The following SH2D4B variants were observed in gnomAD, a reference collection of about 807,000 sequenced individuals.
SH2D4B encodes the protein SH2 domain-containing protein 4B.
In SH2D4B, 45 loss-of-function variants were observed where a neutral mutation model predicts 61.5. The ratio of observed to expected loss-of-function variants is 0.73; its 90% CI spans 0.58 to 0.94. SH2D4B has a LOEUF of 0.94. Ranked by LOEUF, SH2D4B falls within the 40% of genes least tolerant of loss-of-function variation. The pLI is 0.00. For synonymous variants in SH2D4B, 224 were observed against 220.4 expected (o/e 1.02, Z -0.14); for missense variants, 572 against 574.2 (o/e 1.00, Z 0.04).
intron 6 of SH2D4B, among the ~76,000 whole-genome samples, chr10:80,610,369 T>C (rs1285962699): frequency 2.0e-5 from 3 of 152,220 alleles, no homozygotes; most frequent in Admixed American, 6.5e-5. Flanking sequence ...AGGAGCTTGC[T>C]TGTTTTCCCT....
chr10:80,624,061 T>G (rs12783229), intron 6 of SH2D4B, among the ~76,000 whole-genome samples: 57,498 of 151,950 alleles, frequency 0.38, 12,003 homozygotes, highest in African/African-American at 0.55. Flanking sequence ...AGCCGTATAT[T>G]AGGGTTGCTC....
rs751501775 is a variant in SH2D4B at position 80,609,608 on chromosome 10, T to C, written c.988+57T>C. 8 of 1,610,956 alleles carry C rather than the reference T, an allele frequency of 5.0e-6. No homozygotes were observed. The Admixed American group carries it at 1.2e-4, about 24-fold the overall frequency. ...TGATTTCCACATCTTTGCCTCTCTCTGGGGTTGGGGAGGGGTGCTGAAGGA... is the reference window on the plus strand; with the variant it reads ...TGATTTCCACATCTTTGCCTCTCTCCGGGGTTGGGGAGGGGTGCTGAAGGA... On this transcript the variant is annotated intron_variant, in intron 6 of 7. Transcript: ENST00000646907.
At chr10:80,547,547 T>C (rs1841698796) in intron 1 of SH2D4B, among the ~76,000 whole-genome samples, 1 of 152,130 alleles carries the variant, frequency 6.6e-6, no homozygotes, top group African/African-American at 2.4e-5. Flanking sequence ...GGACAGTGAT[T>C]CCAGGACAGT....
chr10:80,538,840 G>C lies in SH2D4B; in HGVS notation c.184+325G>C, dbSNP rs542556073. ...TTCAGATTGTGCTCCGACGTGGTTG[G>C]CAATGGTAGGGTGAACGACGGCATA... On this transcript the variant is annotated intron_variant, in intron 1 of 7. Coordinates refer to ENST00000646907, the MANE Select transcript of SH2D4B (RefSeq NM_001388272.1). The surrounding 1 kb of genome is among the most constrained non-coding windows in gnomAD (Gnocchi z 4.8). 6.6e-6 allele frequency among the ~76,000 whole-genome samples: 1 copy of C among 152,350 alleles called. No individual in the cohort carries two copies. The highest frequency in any genetic ancestry group is 2.1e-4 in the South Asian group (1 of 4,832).
intron 1 of SH2D4B, among the ~76,000 whole-genome samples, chr10:80,552,882 T>C (rs760135069): frequency 6.0e-5 from 9 of 150,118 alleles, no homozygotes; most frequent in Non-Finnish European, 1.3e-4. Context: ...CCCCTCTCTC[T>C]CTTTCTTTCT....
chr10:80,634,137 T>C (rs1842865744), intron 6 of SH2D4B, 148 bp from the exon 7 acceptor site: 11 of 1,130,646 alleles, frequency 9.7e-6, no homozygotes, highest in Non-Finnish European at 1.3e-5. Context: ...TGGCCAGCCC[T>C]TGGGGCTCTT....
chr10:80,599,215 G>C (rs1842416708), intron 4 of SH2D4B, among the ~76,000 whole-genome samples: 1 of 152,158 alleles, frequency 6.6e-6, no homozygotes, highest in East Asian at 1.9e-4. Flanking sequence ...GGGCTAGTGG[G>C]GGTAGAGTCT....
At chr10:80,585,449 G>A (rs555036278) in intron 3 of SH2D4B, among the ~76,000 whole-genome samples, 147 of 151,916 alleles carry the variant, frequency 9.7e-4, no homozygotes, top group African/African-American at 3.5e-3. Flanking sequence ...CAAGTAGCTC[G>A]GATTACAGGT....
chr10:80,603,859 G>A (rs1357733118), intron 5 of SH2D4B, 64 bp downstream of exon 5: 36 of 1,461,140 alleles, frequency 2.5e-5, no homozygotes, highest in Admixed American at 6.1e-5. Flanking sequence ...ATGGGACACC[G>A]GGGTCCCCGT....
intron 3 of SH2D4B, among the ~76,000 whole-genome samples, chr10:80,584,325 C>T (rs924303287): frequency 2.0e-5 from 3 of 152,032 alleles, no homozygotes; most frequent in African/African-American, 4.8e-5. Flanking sequence ...AGATGGCACC[C>T]GGGGTAGTGT....
chr10:80,608,030 G>A (rs1345452270), intron 5 of SH2D4B, among the ~76,000 whole-genome samples: 2 of 152,158 alleles, frequency 1.3e-5, no homozygotes, highest in East Asian at 3.9e-4. Context: ...TTGAGTAGCT[G>A]GGAATACAAG....
chr10:80,601,546 CACT>C (rs1842452425), intron 4 of SH2D4B, among the ~76,000 whole-genome samples: 1 of 152,184 alleles, frequency 6.6e-6, no homozygotes, highest in Non-Finnish European at 1.5e-5. Flanking sequence ...GTGTTCTTGG[CACT>C]AGAATATAGC....
chr10:80,560,680 G>A lies in SH2D4B; in HGVS notation c.185-9474G>A, dbSNP rs559894939. Among the ~76,000 whole-genome samples, 185 of 133,008 alleles carry A rather than the reference G, an allele frequency of 1.4e-3. 1 individual carries two copies. Among genetic ancestry groups the A allele is most frequent in the South Asian group, 4.6e-3 (19 of 4,090 alleles). 87.3% of individuals were successfully genotyped at this position (133,008 alleles called of 152,430 possible). Reference sequence around the variant, plus strand: ...GCTGGAATTATAGGCCTGAACCACCGTTCCTGGCCAAGCTTTTTTTTTTTT... The same window carrying A: ...GCTGGAATTATAGGCCTGAACCACCATTCCTGGCCAAGCTTTTTTTTTTTT... On this transcript the variant is annotated intron_variant, in intron 1 of 7. Transcript: ENST00000646907.
chr10:80,546,067 C>T (rs66494303), intron 1 of SH2D4B, among the ~76,000 whole-genome samples: 22,436 of 125,282 alleles, frequency 0.18, 1,934 homozygotes, highest in African/African-American at 0.25. Context: ...TTTTTTTAGA[C>T]AAGGTCTTGC....
chr10:80,554,053 G>A (rs1326190002), intron 1 of SH2D4B, among the ~76,000 whole-genome samples: 1 of 152,216 alleles, frequency 6.6e-6, no homozygotes, highest in Non-Finnish European at 1.5e-5. Flanking sequence ...AAAGTATGTT[G>A]TGAGTACTTG....
chr10:80,613,287 G>A (rs532552870), intron 6 of SH2D4B, among the ~76,000 whole-genome samples: 2 of 152,334 alleles, frequency 1.3e-5, no homozygotes, highest in East Asian at 3.9e-4. Context: ...TGTGAGAAAT[G>A]CTAGTACATA....
chr10:80,554,120 T>C (rs937444786), intron 1 of SH2D4B, among the ~76,000 whole-genome samples: 3 of 152,226 alleles, frequency 2.0e-5, no homozygotes, highest in Admixed American at 6.5e-5. Context: ...GAAGAACTTT[T>C]CCAGAAGACT....
At chr10:80,574,160 A>G (rs1564772291) in intron 3 of SH2D4B, among the ~76,000 whole-genome samples, 1 of 152,170 alleles carries the variant, frequency 6.6e-6, no homozygotes, top group South Asian at 2.1e-4. Flanking sequence ...TATTTGAGAT[A>G]GGGTCTCACT....
chr10:80,633,964 A>G (rs576022640), intron 6 of SH2D4B, among the ~76,000 whole-genome samples: 1 of 152,332 alleles, frequency 6.6e-6, no homozygotes, highest in African/African-American at 2.4e-5. Flanking sequence ...TGCTATAATC[A>G]CAGCTCACTA....
Sources: allele counts gnomAD v4.1 joint callset (sites outside exome capture counted in the v4.1 genomes callset), GRCh38; gene constraint gnomAD v4.1.1; non-coding constraint Gnocchi (gnomAD v3.1); transcripts MANE v1.5; gene names NCBI Gene and HGNC (gene_info 2026-07-23, HGNC 2026-07-21).